The following PSPH variants were observed in gnomAD, a reference collection of about 807,000 sequenced individuals.
The protein encoded by PSPH is phosphoserine phosphatase.
PSPH carries 16 observed loss-of-function variants against 23.4 expected under a neutral mutation model. The ratio of observed to expected loss-of-function variants is 0.68; its 90% CI spans 0.46 to 1.04. The LOEUF (loss-of-function observed/expected upper bound fraction) is 1.04, where lower values mean the gene tolerates loss of function less well. Among genes scored for constraint, PSPH ranks in the 50% least tolerant of loss-of-function variants. The pLI is 0.00. For missense variants in PSPH, 223 were observed against 273.7 expected, an observed-to-expected ratio of 0.81 and a Z score of 1.31; for synonymous variants, 68 against 99.7, an observed-to-expected ratio of 0.68 and a Z score of 1.89.
intron 4 of PSPH, among the ~76,000 whole-genome samples, chr7:56,020,045 C>A (rs989346357): frequency 2.6e-5 from 4 of 151,534 alleles, no homozygotes; most frequent in Non-Finnish European, 4.4e-5. Context: ...GACAAAACCC[C>A]ATCTTTACTA....
At chr7:56,021,949 C>CAAAAA (rs753210160) in intron 3 of PSPH, among the ~76,000 whole-genome samples, 2 of 41,808 alleles carry the variant, frequency 4.8e-5, no homozygotes, top group African/African-American at 9.4e-5. Flanking sequence ...GACTCCGTCT[C>CAAAAA]AAAAAAAAAA....
At chr7:56,011,895 A>T (rs769137475) in intron 7 of PSPH, 26 bp from the exon 8 acceptor site, 1 of 1,541,716 alleles carries the variant, frequency 6.5e-7, no homozygotes, top group Non-Finnish European at 9.0e-7. Context: ...AGAGAGAGAA[A>T]TGATTTTTAT....
chr7:56,049,494 A>C (rs1166364452), intron 1 of PSPH, among the ~76,000 whole-genome samples: 1 of 152,140 alleles, frequency 6.6e-6, no homozygotes, highest in Non-Finnish European at 1.5e-5. Context: ...GCTGGAGTGC[A>C]GTAATGCAGT....
intron 2 of PSPH, among the ~76,000 whole-genome samples, chr7:56,032,440 C>A (rs1371868437): frequency 6.8e-6 from 1 of 146,312 alleles, no homozygotes; most frequent in Non-Finnish European, 1.5e-5. Context: ...GCGGGCGGAT[C>A]ACGAGGTCAG....
intron 3 of PSPH, among the ~76,000 whole-genome samples, chr7:56,025,327 G>GAGTGT (rs1332401978): frequency 6.6e-6 from 1 of 151,380 alleles, no homozygotes; most frequent in African/African-American, 2.4e-5. Flanking sequence ...ACCCAGGCTG[G>GAGTGT]AGTGCAGTGG....
intron 1 of PSPH, among the ~76,000 whole-genome samples, chr7:56,048,672 C>A (rs895089604): frequency 3.9e-5 from 6 of 151,992 alleles, no homozygotes; most frequent in Non-Finnish European, 8.8e-5. Flanking sequence ...CTCACTCTGT[C>A]GCCGAGACTG....
intron 3 of PSPH, 69 bp from the exon 4 acceptor site, chr7:56,021,300 C>T (rs531694306): frequency 7.0e-7 from 1 of 1,433,442 alleles, no homozygotes; most frequent in South Asian, 1.2e-5. Flanking sequence ...ACCTTGCCTA[C>T]TAAGCCAATC....
chr7:56,038,446 G>A (rs1344782863), intron 1 of PSPH, among the ~76,000 whole-genome samples: 2 of 151,964 alleles, frequency 1.3e-5, no homozygotes, highest in Non-Finnish European at 2.9e-5. Flanking sequence ...GCGATAAAGC[G>A]AGACTCCGTC....
intron 1 of PSPH, among the ~76,000 whole-genome samples, chr7:56,034,920 T>TGGG (rs148497790): frequency 6.6e-6 from 1 of 150,406 alleles, no homozygotes; most frequent in Admixed American, 6.6e-5. Context: ...TAAATAGAGA[T>TGGG]GGGGGGGGGT....
intron 1 of PSPH, among the ~76,000 whole-genome samples, chr7:56,043,716 C>T (rs1178453783): frequency 1.3e-5 from 2 of 149,116 alleles, no homozygotes; most frequent in Non-Finnish European, 3.0e-5. Flanking sequence ...GTGGCGCACA[C>T]CTGTTGGGAG....
intron 1 of PSPH, among the ~76,000 whole-genome samples, chr7:56,042,573 C>T (rs189440447): frequency 2.0e-5 from 3 of 151,858 alleles, no homozygotes; most frequent in Admixed American, 1.3e-4. Flanking sequence ...AAAGCTTGAG[C>T]CCAGGAGGTT....
intron 1 of PSPH, among the ~76,000 whole-genome samples, chr7:56,039,808 A>C (rs1016415085): frequency 5.5e-5 from 8 of 145,444 alleles, no homozygotes; most frequent in African/African-American, 1.5e-4. Context: ...AAAAAAAAAA[A>C]CAATATATGG....
At chr7:56,015,953 C>G (rs968360312) in intron 6 of PSPH, among the ~76,000 whole-genome samples, 2 of 152,038 alleles carry the variant, frequency 1.3e-5, no homozygotes, top group African/African-American at 4.8e-5. Context: ...GCCACCACAC[C>G]CAGCCTTAAT....
At chr7:56,026,966 G>A (rs745636638) in intron 3 of PSPH, among the ~76,000 whole-genome samples, 10 of 152,204 alleles carry the variant, frequency 6.6e-5, no homozygotes, top group Non-Finnish European at 1.0e-4. Context: ...AGCACTTTGG[G>A]AGGCTGAAGC....
At chr7:56,026,243 A>C (rs1235869650) in intron 3 of PSPH, among the ~76,000 whole-genome samples, 1 of 152,112 alleles carries the variant, frequency 6.6e-6, no homozygotes, top group Admixed American at 6.6e-5. Context: ...TGGGAGGCTG[A>C]AGCAGGAGGA....
At chr7:56,049,595 T>A (rs1176807579) in intron 1 of PSPH, among the ~76,000 whole-genome samples, 4 of 151,834 alleles carry the variant, frequency 2.6e-5, no homozygotes, top group African/African-American at 9.7e-5. Flanking sequence ...GCCGCCACCA[T>A]GCCCAGCTAA....
intron 3 of PSPH, among the ~76,000 whole-genome samples, chr7:56,030,197 C>T (rs1790775247): frequency 6.6e-6 from 1 of 152,018 alleles, no homozygotes; most frequent in African/African-American, 2.4e-5. Context: ...GCAATCTCTG[C>T]TTCCTGGGTT....
At chr7:56,024,027 C>A (rs553544994) in intron 3 of PSPH, among the ~76,000 whole-genome samples, 6 of 151,682 alleles carry the variant, frequency 4.0e-5, no homozygotes, top group Admixed American at 6.6e-5. Flanking sequence ...CCCGGGTTCA[C>A]GCCATTCTCC....
chr7:56,044,383 T>A (rs1359854384), intron 1 of PSPH, among the ~76,000 whole-genome samples: 1 of 151,714 alleles, frequency 6.6e-6, no homozygotes, highest in Non-Finnish European at 1.5e-5. Context: ...TAAACCCAGG[T>A]TTGGGGGAGA....
Sources: allele counts gnomAD v4.1 joint callset (sites outside exome capture counted in the v4.1 genomes callset), GRCh38; gene constraint gnomAD v4.1.1; transcripts MANE v1.5; gene names NCBI Gene and HGNC (gene_info 2026-07-23, HGNC 2026-07-21).